Variants in SEC14L2 observed in about 807,000 individuals in gnomAD.
SEC14L2 encodes SEC14-like protein 2.
In SEC14L2, 50 loss-of-function variants were observed where a neutral mutation model predicts 56.9. The observed-to-expected ratio is 0.88, with a 90% CI of 0.70 to 1.11. The LOEUF (loss-of-function observed/expected upper bound fraction) is 1.11, where lower values mean the gene tolerates loss of function less well. Among genes scored for constraint, SEC14L2 ranks in the 50% most tolerant of loss-of-function variants. SEC14L2 has a pLI of 0.00. For synonymous variants in SEC14L2, 179 were observed against 188.5 expected (o/e 0.95, Z 0.41); for missense variants, 414 against 500.7 (o/e 0.83, Z 1.65).
intron 11 of SEC14L2, chr22:30,421,056 G>A (rs1211366253): frequency 3.9e-5 from 6 of 152,136 alleles, no homozygotes; most frequent in Non-Finnish European, 2.9e-5. Flanking sequence ...TGCTCGCTTT[G>A]TCAGCACATA....
chr22:30,415,902 C>G (rs1484161931), intron 9 of SEC14L2, 37 bp downstream of exon 9: 2 of 1,614,012 alleles, frequency 1.2e-6, no homozygotes, highest in African/African-American at 2.7e-5. Flanking sequence ...AACAGGGATG[C>G]CTGGCTCAAA....
At chr22:30,404,442 G>A (rs1360407861) in intron 2 of SEC14L2, among the ~76,000 whole-genome samples, 1 of 152,132 alleles carries the variant, frequency 6.6e-6, no homozygotes, top group African/African-American at 2.4e-5. Flanking sequence ...CCCAGAGAGC[G>A]ATGGTTAAGG....
At position 30,416,726 on chromosome 22, in the gene SEC14L2, G is replaced by A. The variant is rs1055281356; in HGVS notation, c.1081+323G>A. On this transcript the variant is annotated intron_variant, in intron 11 of 11. Coordinates refer to ENST00000615189, the MANE Select transcript of SEC14L2 (RefSeq NM_012429.5). ...GTCTGTGACTGGACAGATATTTCTT[G>A]GGGATGCTCCTTCCCAGAGGTCACA... 4 of 1,354,008 alleles carry A rather than the reference G, an allele frequency of 3.0e-6. No individual in the cohort carries two copies. The African/African-American group carries it at 4.4e-5, about 15-fold the overall frequency. The allele number at this position is 1,354,008 out of a possible 1,614,324, so 83.9% of individuals were successfully genotyped here.
chr22:30,397,236 G>A, intron 1 of SEC14L2, 66 bp downstream of exon 1: 1 of 1,365,868 alleles, frequency 7.3e-7, no homozygotes, highest in Non-Finnish European at 9.8e-7. Context: ...GCGGCAGCGA[G>A]AAGGGACGGG....
At chr22:30,405,075 AAAAAG>A (rs750870465) in intron 2 of SEC14L2, among the ~76,000 whole-genome samples, 14 of 152,140 alleles carry the variant, frequency 9.2e-5, no homozygotes, top group Admixed American at 2.0e-4. Flanking sequence ...TCTCAAAAAA[AAAAAG>A]AAAAGAAAAG....
Position 30,424,703 on chromosome 22 carries a change from A to G in SEC14L2, c.*2296A>G, listed in dbSNP as rs1174779054. The G allele has an allele frequency of 2.2e-6, 1 of 456,504 alleles. No individual in the cohort carries two copies. The highest frequency in any genetic ancestry group is 6.9e-5 in the East Asian group (1 of 14,394). The allele number at this position is 456,504 out of a possible 1,614,324, so 28.3% of individuals were successfully genotyped here. On this transcript the variant is annotated 3_prime_UTR_variant, in exon 12 of 12. Transcript: ENST00000615189. ...CTGGGGCTCAGGGAGGCTAACAGCC[A>G]GTAGGCGGCACAGCTAGGATTTGAA...
Position 30,399,557 on chromosome 22 carries a change from C to A in SEC14L2, c.55-86C>A, listed in dbSNP as rs1933865118. 5.2e-6 allele frequency: 4 copies of A among 768,308 alleles called. No individual in the cohort carries two copies. The South Asian group carries it at 9.3e-5, about 18-fold the overall frequency. The allele number at this position is 768,308 out of a possible 1,614,324, so 47.6% of individuals were successfully genotyped here. On this transcript the variant is annotated intron_variant, in intron 1 of 11. Transcript: ENST00000615189. ...AAAAAAGAAACAAAGAAAGAGGCGT[C>A]CAGCAAAGATCTCAGTGGAGAGTCC...
intron 8 of SEC14L2, among the ~76,000 whole-genome samples, chr22:30,412,840 C>CA (rs1316312304): frequency 3.4e-5 from 4 of 119,226 alleles, no homozygotes; most frequent in East Asian, 5.1e-4. Flanking sequence ...AAAAAACAAA[C>CA]AAAAAAACAA....
In SEC14L2 at chr22:30,407,548, C is replaced by T; in HGVS notation, c.368C>T (p.Thr123Ile). The part of the protein sequence containing the change: ...FSASKQDLLR[T>I]KMRECELLLQ... ...GCCTCCAAACAGGACCTGCTGAGGA[C>T]CAAGATGCGGGAGTGTGAGCTGCTT... Residue 123 changes from threonine to isoleucine, a missense_variant, in exon 5 of 12, where the codon ACC becomes ATC. Transcript: ENST00000615189. 1 of 1,614,104 alleles carries T rather than the reference C, an allele frequency of 6.2e-7. No homozygotes were observed. Among genetic ancestry groups the T allele is most frequent in the Non-Finnish European group, 8.5e-7 (1 of 1,180,012 alleles).
intron 11 of SEC14L2, chr22:30,421,372 T>C (rs1224899042): frequency 6.6e-6 from 1 of 152,258 alleles, no homozygotes; most frequent in Non-Finnish European, 1.5e-5. Flanking sequence ...ACCTATGTAG[T>C]TACAAAAAAG....
chr22:30,409,150 C>G (rs752573774), intron 5 of SEC14L2, 37 bp from the exon 6 acceptor site: 3 of 1,576,316 alleles, frequency 1.9e-6, no homozygotes, highest in Non-Finnish European at 2.6e-6. Context: ...TGAAGTAGGA[C>G]AGCCTGACAA....
At chr22:30,419,961 T>TC (rs1192833186) in intron 11 of SEC14L2, among the ~76,000 whole-genome samples, 1 of 151,718 alleles carries the variant, frequency 6.6e-6, no homozygotes, top group African/African-American at 2.4e-5. Flanking sequence ...TCTTTTCTTT[T>TC]TTTTTTTTTG....
intron 4 of SEC14L2, 117 bp downstream of exon 4, chr22:30,407,271 C>T (rs1934122295): frequency 7.0e-7 from 1 of 1,435,692 alleles, no homozygotes; most frequent in East Asian, 2.3e-5. Flanking sequence ...CCCACTGAGC[C>T]CTGATGGTCT....
At chr22:30,398,550 G>A in intron 1 of SEC14L2, 1 of 388,910 alleles carries the variant, frequency 2.6e-6, no homozygotes, top group Non-Finnish European at 5.4e-6. Flanking sequence ...TGTCCATTGA[G>A]GTCACTGTCC....
intron 10 of SEC14L2, 30 bp downstream of exon 10, chr22:30,416,117 G>A (rs776936975): frequency 5.5e-5 from 88 of 1,613,378 alleles, no homozygotes; most frequent in Middle Eastern, 3.3e-4. Context: ...CAGGAGACCC[G>A]AGCTTTCATC....
intron 2 of SEC14L2, chr22:30,400,334 T>C (rs759561116): frequency 6.6e-6 from 1 of 152,168 alleles, no homozygotes; most frequent in African/African-American, 2.4e-5. Context: ...AATACTTCCC[T>C]AGGATCCTCC....
In SEC14L2 at chr22:30,406,351, T is replaced by G; in HGVS notation, c.140T>G (p.Phe47Cys). The G allele has an allele frequency of 6.2e-7, 1 of 1,614,030 alleles. No homozygotes were observed. The highest frequency in any genetic ancestry group is 8.5e-7 in the Non-Finnish European group (1 of 1,179,960). ...FLLRWLRARS[F>C]DLQKSEAMLR... ...TGTTTCCCTGTTACAGCCAGAAGCT[T>G]CGACCTGCAGAAGTCGGAGGCCATG... The change falls in exon 3 of 12, where the codon TTC becomes TGC. Residue 47 changes from phenylalanine (F) to cysteine (C), a missense_variant. Transcript: ENST00000615189.
chr22:30,412,971 G>C (rs891756477), intron 8 of SEC14L2, among the ~76,000 whole-genome samples: 5 of 152,156 alleles, frequency 3.3e-5, no homozygotes. Context: ...ACTGAGAGAT[G>C]GTGACGCATT....
At chr22:30,421,199 A>C (rs1934509227) in intron 11 of SEC14L2, 1 of 152,026 alleles carries the variant, frequency 6.6e-6, no homozygotes, top group South Asian at 2.1e-4. Flanking sequence ...ACACATATTC[A>C]CAGGAATTGT....
Sources: allele counts gnomAD v4.1 joint callset (sites outside exome capture counted in the v4.1 genomes callset), GRCh38; gene constraint gnomAD v4.1.1; transcripts MANE v1.5; gene names NCBI Gene and HGNC (gene_info 2026-07-23, HGNC 2026-07-21).